SFXN4: variants seen among roughly 807,000 people sequenced by gnomAD.
SFXN4 encodes the protein sideroflexin 4.
A neutral mutation model predicts 54.6 loss-of-function variants in SFXN4; 48 were observed. The ratio of observed to expected loss-of-function variants is 0.88; its 90% CI spans 0.70 to 1.12. The LOEUF (loss-of-function observed/expected upper bound fraction) is 1.12. SFXN4 is among the 50% of genes most tolerant of loss of function. The pLI, the probability that SFXN4 is intolerant of heterozygous loss-of-function variation, is 0.00. For missense variants in SFXN4, 383 were observed against 409.2 expected, an observed-to-expected ratio of 0.94 and a Z score of 0.55; for synonymous variants, 130 against 145.5, an observed-to-expected ratio of 0.89 and a Z score of 0.77.
intron 13 of SFXN4, among the ~76,000 whole-genome samples, chr10:119,145,461 C>T (rs2133570886): frequency 6.6e-6 from 1 of 151,930 alleles, no homozygotes; most frequent in East Asian, 1.9e-4. Context: ...ATTACAGCTA[C>T]CGTGGCTAAT....
chr10:119,148,493 C>T (rs1846915587), intron 11 of SFXN4, among the ~76,000 whole-genome samples: 1 of 152,090 alleles, frequency 6.6e-6, no homozygotes, highest in African/African-American at 2.4e-5. Flanking sequence ...CAGAGGTTTG[C>T]TCCGTATTTC....
intron 2 of SFXN4, 70 bp downstream of exon 2, chr10:119,164,061 A>AAG: frequency 2.2e-6 from 2 of 892,804 alleles, no homozygotes; most frequent in South Asian, 3.0e-5. Flanking sequence ...AAAAAAAAAA[A>AAG]AAAGGGACAC....
intron 12 of SFXN4, among the ~76,000 whole-genome samples, 178 bp from the exon 13 acceptor site, chr10:119,146,531 T>C (rs1846817881): frequency 6.6e-6 from 1 of 151,890 alleles, no homozygotes; most frequent in African/African-American, 2.4e-5. Context: ...CCTGAACAGC[T>C]AGATCAAGGC....
intron 2 of SFXN4, 67 bp downstream of exon 2, chr10:119,164,064 A>AAT: frequency 2.8e-6 from 2 of 721,788 alleles, no homozygotes; most frequent in Non-Finnish European, 4.6e-6. Context: ...AAAAAAAAAA[A>AAT]GGGACACACA....
At chr10:119,155,218 G>A (rs1276501605) in intron 10 of SFXN4, 41 bp from the exon 11 acceptor site, 1 of 1,383,082 alleles carries the variant, frequency 7.2e-7, no homozygotes, top group Admixed American at 1.7e-5. Context: ...AGACGGGGGT[G>A]AGTCTTGTTC....
intron 1 of SFXN4, chr10:119,165,149 C>A (rs1847717730): frequency 2.0e-6 from 2 of 991,774 alleles, no homozygotes; most frequent in Non-Finnish European, 2.4e-6. Context: ...ATGTCCTGCC[C>A]AAGGGTGGCT....
chr10:119,155,499 GT>G (rs997658412), intron 10 of SFXN4, among the ~76,000 whole-genome samples: 38 of 150,088 alleles, frequency 2.5e-4, no homozygotes, highest in African/African-American at 9.3e-4. Context: ...CTTTGCTTAA[GT>G]TTTTTTTTTC....
At chr10:119,152,404 C>T (rs1404996378) in intron 11 of SFXN4, among the ~76,000 whole-genome samples, 1 of 151,758 alleles carries the variant, frequency 6.6e-6, no homozygotes. Flanking sequence ...CTCAGCCTCC[C>T]GAGTAGCTGG....
In SFXN4 at chr10:119,147,871, TGAAAA is replaced by T; in HGVS notation, c.733-16_733-12del. ...CGTTTCTCTAACAGCCTAGCAAAAA[TGAAAA>T]GAAAACAGCTTAGGTTGGGCACGGT... On this transcript the variant is annotated splice_polypyrimidine_tract_variant and intron_variant, in intron 11 of 13. Coordinates refer to ENST00000355697, the MANE Select transcript of SFXN4 (RefSeq NM_213649.2). The T allele has an allele frequency of 6.2e-7, 1 of 1,613,084 alleles. No homozygotes were observed. Among genetic ancestry groups the T allele is most frequent in the Non-Finnish European group, 8.5e-7 (1 of 1,179,228 alleles).
intron 3 of SFXN4, 143 bp from the exon 4 acceptor site, chr10:119,161,224 T>A (rs1234620950): frequency 1.4e-6 from 1 of 718,498 alleles, no homozygotes. Context: ...GTTCAAACGA[T>A]CCTCCCACCT....
At position 119,164,183 on chromosome 10, in the gene SFXN4, C is replaced by T. The variant is rs773581305; in HGVS notation, c.125G>A (p.Arg42Gln). The change falls in exon 2 of 14, where the codon CGA (arginine) becomes CAA (glutamine). Residue 42 changes from arginine (R) to glutamine (Q), a missense_variant. Transcript: ENST00000355697. Reference sequence around the variant, plus strand: ...TAATAATTCTGTCCATTGAAGAAATCGTCGAATAAAGGACTTAGGAGGGAG... The same window carrying T: ...TAATAATTCTGTCCATTGAAGAAATTGTCGAATAAAGGACTTAGGAGGGAG... ...WITERQSFIRRFLQWTELLDP... is the reference protein window; with the variant it reads ...WITERQSFIRQFLQWTELLDP... 4 of 1,591,818 alleles carry T rather than the reference C, an allele frequency of 2.5e-6. No homozygotes were observed. Among genetic ancestry groups the T allele is most frequent in the East Asian group, 2.2e-5 (1 of 44,452 alleles).
chr10:119,141,238 AC>A lies in SFXN4; in HGVS notation c.*3del, dbSNP rs1846509360. The A allele has an allele frequency of 6.2e-7, 1 of 1,602,714 alleles. No individual in the cohort carries two copies. Among genetic ancestry groups the A allele is most frequent in the South Asian group, 1.1e-5 (1 of 89,400 alleles). On this transcript the variant is annotated 3_prime_UTR_variant, in exon 14 of 14. Coordinates refer to ENST00000355697, the MANE Select transcript of SFXN4 (RefSeq NM_213649.2). ...AACCACATAAATTCACCTAAAACTC[AC>A]GCCTACACCCCTCTGTGATAAAAGA...
At chr10:119,159,108 C>A (rs1168136463) in intron 6 of SFXN4, among the ~76,000 whole-genome samples, 1 of 152,006 alleles carries the variant, frequency 6.6e-6, no homozygotes. Flanking sequence ...GGCAAAACCC[C>A]ATCTCTACTA....
At chr10:119,145,980 A>T (rs1296904823) in intron 13 of SFXN4, among the ~76,000 whole-genome samples, 2 of 151,938 alleles carry the variant, frequency 1.3e-5, no homozygotes, top group Non-Finnish European at 2.9e-5. Flanking sequence ...GCATCATCAC[A>T]CCCAGCTAAT....
chr10:119,155,012 C>A (rs753298351), intron 11 of SFXN4, 50 bp downstream of exon 11: 1 of 1,283,096 alleles, frequency 7.8e-7, no homozygotes, highest in Admixed American at 1.7e-5. Flanking sequence ...ACAGAAAAGT[C>A]TAGTCGTTGC....
At chr10:119,150,305 C>T (rs531991430) in intron 11 of SFXN4, among the ~76,000 whole-genome samples, 3 of 152,220 alleles carry the variant, frequency 2.0e-5, no homozygotes, top group East Asian at 1.9e-4. Context: ...GGAGACGGGG[C>T]TCTCACTGAT....
chr10:119,165,426 G>A, intron 1 of SFXN4, 111 bp downstream of exon 1: 1 of 1,343,768 alleles, frequency 7.4e-7, no homozygotes, highest in South Asian at 1.7e-5. Context: ...AGGAGGAAAC[G>A]GAGACAGGGG....
chr10:119,159,802 C>T, intron 5 of SFXN4, 49 bp from the exon 6 acceptor site: 1 of 1,606,386 alleles, frequency 6.2e-7, no homozygotes, highest in Non-Finnish European at 8.5e-7. Flanking sequence ...GTTGCCCAGG[C>T]AGAGGGGGCC....
At chr10:119,157,961 T>C (rs1482036607) in intron 7 of SFXN4, 34 bp from the exon 8 acceptor site, 1 of 1,614,170 alleles carries the variant, frequency 6.2e-7, no homozygotes, top group South Asian at 1.1e-5. Flanking sequence ...GCATTTTCGT[T>C]TCAAGCATAA....
Sources: gnomAD v4.1 joint callset for allele counts (sites outside exome capture counted in the v4.1 genomes callset) on GRCh38, gnomAD v4.1.1 for gene constraint, MANE v1.5 for transcripts, NCBI Gene and HGNC (gene_info 2026-07-23, HGNC 2026-07-21) for gene names.